The following LCP1 variants were observed in gnomAD, a reference collection of about 807,000 sequenced individuals.
LCP1 encodes lymphocyte cytosolic protein 1.
A neutral mutation model predicts 72.0 loss-of-function variants in LCP1; 23 were observed. That is an observed-to-expected ratio of 0.32 (90% CI 0.23 to 0.45). The LOEUF (loss-of-function observed/expected upper bound fraction) is 0.45. LCP1 is among the 20% of genes least tolerant of loss of function. The pLI is 1.00. For missense variants in LCP1, 571 were observed against 748.3 expected, an observed-to-expected ratio of 0.76 and a Z score of 2.76; for synonymous variants, 245 against 275.4, an observed-to-expected ratio of 0.89 and a Z score of 1.09.
chr13:46,151,330 C>T (rs1256303381), intron 7 of LCP1, among the ~76,000 whole-genome samples: 9 of 152,318 alleles, frequency 5.9e-5, no homozygotes, highest in Non-Finnish European at 1.0e-4. Context: ...TGAATCTCAA[C>T]GCTATGTTTA....
At chr13:46,161,709 A>G (rs184305762) in intron 1 of LCP1, among the ~76,000 whole-genome samples, 6 of 152,324 alleles carry the variant, frequency 3.9e-5, no homozygotes, top group Middle Eastern at 6.8e-3. Flanking sequence ...GATGTAATTG[A>G]TAAGAAAGAA....
intron 12 of LCP1, chr13:46,142,864 T>G (rs2045706911): frequency 4.8e-6 from 2 of 421,028 alleles, no homozygotes; most frequent in Non-Finnish European, 9.5e-6. Flanking sequence ...GTCACGGCAA[T>G]AAGAAATGCT....
At chr13:46,158,015 C>T (rs1382397688) in intron 4 of LCP1, among the ~76,000 whole-genome samples, 1 of 152,210 alleles carries the variant, frequency 6.6e-6, no homozygotes, top group African/African-American at 2.4e-5. Flanking sequence ...GCGTGAGCCA[C>T]TGTGCCCGGC....
intron 7 of LCP1, among the ~76,000 whole-genome samples, chr13:46,152,130 A>G (rs2045772309): frequency 6.6e-6 from 1 of 152,198 alleles, no homozygotes; most frequent in Non-Finnish European, 1.5e-5. Flanking sequence ...AAGCAAATTA[A>G]CATACTCACA....
In LCP1 at chr13:46,158,614, G is replaced by C. The variant is rs775312606; in HGVS notation, c.266C>G (p.Thr89Ser). 1 of 1,614,148 alleles carries C rather than the reference G, an allele frequency of 6.2e-7. No homozygotes were observed. Among genetic ancestry groups the C allele is most frequent in the Non-Finnish European group, 8.5e-7 (1 of 1,180,024 alleles). Reference protein sequence around the residue: ...HGLKSTDVAKTFRKAINKKEG... With the variant: ...HGLKSTDVAKSFRKAINKKEG... ...CTTCTTATTGATTGCTTTTCTAAAG[G>C]TCTTGGCAACATCTGTGCTTTTTAG... Residue 89 changes from threonine to serine, a missense_variant, in exon 4 of 16, where the codon ACC becomes AGC. Transcript: ENST00000323076.
chr13:46,127,803 G>A, intron 15 of LCP1, 80 bp from the exon 16 acceptor site: 1 of 1,538,110 alleles, frequency 6.5e-7, no homozygotes, highest in Non-Finnish European at 8.9e-7. Flanking sequence ...CACAGTCACA[G>A]TCGTTCCATA....
At chr13:46,155,915 C>T (rs1192298975) in intron 5 of LCP1, among the ~76,000 whole-genome samples, 5 of 152,174 alleles carry the variant, frequency 3.3e-5, no homozygotes, top group African/African-American at 7.2e-5. Flanking sequence ...TGGTGAGCCA[C>T]GCTCAGATGA....
chr13:46,158,735 G>C (rs747344583), intron 3 of LCP1, 84 bp from the exon 4 acceptor site: 15 of 1,602,468 alleles, frequency 9.4e-6, no homozygotes, highest in Non-Finnish European at 1.3e-5. Flanking sequence ...TCGAAGCAAG[G>C]AGGTAAGGAA....
rs561823897 is a variant in LCP1, at chr13:46,178,381, A to T, written c.-25+3730T>A. Among the ~76,000 whole-genome samples, 327 of 152,318 alleles carry T rather than the reference A, an allele frequency of 2.1e-3. 2 individuals are homozygous for T. Among genetic ancestry groups the T allele is most frequent in the Admixed American group, 3.6e-3 (55 of 15,306 alleles). On this transcript the variant is annotated intron_variant, in intron 1 of 15. Coordinates refer to ENST00000323076, the MANE Select transcript of LCP1 (RefSeq NM_002298.5). ...AACCAAAACAACAGGAACAGTCAAT[A>T]GTATAAGGCAGGAAGTTGGATCAGA...
At chr13:46,145,058 G>A (rs1379281968) in intron 10 of LCP1, among the ~76,000 whole-genome samples, 1 of 152,164 alleles carries the variant, frequency 6.6e-6, no homozygotes, top group Non-Finnish European at 1.5e-5. Context: ...CAACAGGCAA[G>A]GTCTCTATTA....
chr13:46,127,865 C>T, intron 15 of LCP1, 142 bp from the exon 16 acceptor site: 1 of 988,856 alleles, frequency 1.0e-6, no homozygotes, highest in Non-Finnish European at 1.5e-6. Flanking sequence ...CCAGCATCCT[C>T]ACACTTTTGT....
At chr13:46,142,583 A>G in intron 12 of LCP1, 158 bp from the exon 13 acceptor site, 4 of 776,696 alleles carry the variant, frequency 5.2e-6, no homozygotes, top group Non-Finnish European at 8.0e-6. Flanking sequence ...ATTCAAAATT[A>G]AAGAATTTTC....
intron 1 of LCP1, among the ~76,000 whole-genome samples, chr13:46,168,808 T>A (rs2045890823): frequency 6.6e-6 from 1 of 152,266 alleles, no homozygotes; most frequent in Non-Finnish European, 1.5e-5. Flanking sequence ...AGGTCTCTCT[T>A]GGGCTATTCT....
In LCP1 at chr13:46,154,873, G is replaced by A. The variant is rs753699627; in HGVS notation, c.505C>T (p.Leu169=). Residue 169 remains leucine, a synonymous_variant, in exon 6 of 16, where the codon CTG becomes TTG. Transcript: ENST00000323076. ...DGIVLCKMIN[L]SVPDTIDERT... Reference sequence around the variant, plus strand: ...TCATCAATTGTGTCTGGCACTGACAGGTTGATCATTTTACTGAAAGAGAAA... The same window carrying A: ...TCATCAATTGTGTCTGGCACTGACAAGTTGATCATTTTACTGAAAGAGAAA... 6.2e-7 allele frequency: 1 copy of A among 1,613,448 alleles called. No individual in the cohort carries two copies. Among genetic ancestry groups the A allele is most frequent in the South Asian group, 1.1e-5 (1 of 91,056 alleles).
intron 15 of LCP1, among the ~76,000 whole-genome samples, chr13:46,128,082 G>T (rs554173157): frequency 1.5e-4 from 23 of 149,014 alleles, no homozygotes; most frequent in Non-Finnish European, 3.3e-4. Flanking sequence ...CTCAAGAGAA[G>T]CTCTTGCCTC....
chr13:46,152,117 G>A (rs549739024), intron 7 of LCP1, among the ~76,000 whole-genome samples: 22 of 152,186 alleles, frequency 1.4e-4, no homozygotes, highest in Non-Finnish European at 1.2e-4. Context: ...GTTACTGTTG[G>A]TCAAGCAAAT....
intron 1 of LCP1, among the ~76,000 whole-genome samples, chr13:46,174,045 ACT>A (rs1259188696): frequency 2.6e-5 from 4 of 151,964 alleles, no homozygotes; most frequent in Non-Finnish European, 4.4e-5. Flanking sequence ...CCTCCTCTCC[ACT>A]CTCTAATTCT....
At chr13:46,160,986 C>G (rs1252912676) in intron 1 of LCP1, among the ~76,000 whole-genome samples, 5 of 152,110 alleles carry the variant, frequency 3.3e-5, no homozygotes, top group Admixed American at 3.3e-4. Flanking sequence ...CCACACCAAA[C>G]AGAAAACAGT....
chr13:46,143,463 A>G (rs1010030974), intron 11 of LCP1, 59 bp from the exon 12 acceptor site: 13 of 1,111,464 alleles, frequency 1.2e-5, no homozygotes, highest in African/African-American at 1.1e-4. Flanking sequence ...AGGGCCTACA[A>G]TGGGCCAGAC....
Sources: gnomAD v4.1 joint callset for allele counts (sites outside exome capture counted in the v4.1 genomes callset) on GRCh38, gnomAD v4.1.1 for gene constraint, MANE v1.5 for transcripts, NCBI Gene and HGNC (gene_info 2026-07-23, HGNC 2026-07-21) for gene names.